CCDC178: variants seen among roughly 807,000 people sequenced by gnomAD.
The protein encoded by CCDC178 is coiled-coil domain containing 178.
CCDC178 carries 126 observed loss-of-function variants against 117.4 expected under a neutral mutation model. The ratio of observed to expected loss-of-function variants is 1.07; its 90% confidence interval spans 0.93 to 1.24. The LOEUF (loss-of-function observed/expected upper bound fraction) is 1.24. CCDC178 is among the 50% of genes most tolerant of loss of function. The pLI, the probability that CCDC178 is intolerant of heterozygous loss-of-function variation, is 0.00. For missense variants in CCDC178, 1,030 were observed against 986.9 expected (o/e 1.04, Z -0.59); for synonymous variants, 283 against 313.4 (o/e 0.90, Z 1.02).
intron 2 of CCDC178, among the ~76,000 whole-genome samples, chr18:33,419,063 A>G (rs1458380260): frequency 6.6e-6 from 1 of 152,194 alleles, no homozygotes; most frequent in Non-Finnish European, 1.5e-5. Flanking sequence ...CAGTAACCAA[A>G]ACAGCGCGGT....
intron 20 of CCDC178, among the ~76,000 whole-genome samples, chr18:33,165,120 G>A (rs2058513163): frequency 6.6e-6 from 1 of 152,102 alleles, no homozygotes; most frequent in Non-Finnish European, 1.5e-5. Context: ...TACACTTGTG[G>A]TTTGAATCTG....
intron 5 of CCDC178, among the ~76,000 whole-genome samples, chr18:33,371,784 TACACACACACAC>T (rs146013235): frequency 4.9e-5 from 7 of 144,308 alleles, no homozygotes; most frequent in East Asian, 4.2e-4. Flanking sequence ...TAAACATATA[TACACACACACAC>T]ACACACACAC....
At chr18:32,955,576 C>T (rs989282951) in intron 22 of CCDC178, among the ~76,000 whole-genome samples, 1 of 152,086 alleles carries the variant, frequency 6.6e-6, no homozygotes, top group Non-Finnish European at 1.5e-5. Context: ...TAAATGCCTA[C>T]ACAGATATTT....
chr18:33,440,689 G>C lies in CCDC178; in HGVS notation c.-179C>G, dbSNP rs1385810416. The C allele has an allele frequency of 2.0e-5, 3 of 152,460 alleles. No individual in the cohort carries two copies. Among genetic ancestry groups the C allele is most frequent in the African/African-American group, 7.3e-5 (3 of 41,058 alleles). 9.4% of individuals were successfully genotyped at this position (152,460 alleles called of 1,614,324 possible). A position where few individuals can be genotyped will look rare whatever the true frequency, so the allele number is the denominator to read the frequency against. On this transcript the variant is annotated 5_prime_UTR_variant, in exon 1 of 23. Coordinates refer to ENST00000383096, the MANE Select transcript of CCDC178 (RefSeq NM_001105528.4). ...GTTTCCCCGCGCGTCTCCCGGACCC[G>C]CGCCTGCCCACCCCTCCGGCTCTGC...
chr18:33,355,339 T>G (rs937484956), intron 7 of CCDC178, among the ~76,000 whole-genome samples: 9 of 152,222 alleles, frequency 5.9e-5, no homozygotes, highest in Admixed American at 1.3e-4. Context: ...TTTCCTTAGC[T>G]TACTGGTGAG....
At chr18:33,177,464 CTG>C (rs1282927541) in intron 20 of CCDC178, among the ~76,000 whole-genome samples, 2 of 152,212 alleles carry the variant, frequency 1.3e-5, no homozygotes, top group Non-Finnish European at 2.9e-5. Flanking sequence ...TGCCAGGACT[CTG>C]TGTGTTCCAA....
intron 14 of CCDC178, among the ~76,000 whole-genome samples, chr18:33,246,227 A>C (rs745895839): frequency 6.6e-6 from 1 of 151,838 alleles, no homozygotes; most frequent in Non-Finnish European, 1.5e-5. Context: ...ATAGATATTA[A>C]CTGGAGCGGT....
Position 33,147,356 on chromosome 18 carries a change from A to ATTTTTTTTTT in CCDC178, c.2239-54456_2239-54447dup, listed in dbSNP as rs575608507. 4.9e-4 allele frequency among the ~76,000 whole-genome samples: 46 copies of ATTTTTTTTTT among 94,608 alleles called. 1 individual carries two copies. Among genetic ancestry groups the ATTTTTTTTTT allele is most frequent in the African/African-American group, 1.2e-3 (25 of 21,318 alleles). 62.1% of individuals were successfully genotyped at this position (94,608 alleles called of 152,430 possible). ...CTACTCCTGCAAGCTTGCCTTTTTA[A>ATTTTTTTTTT]TTTTTTTTTTTTTTTTTTTTTTTTT... On this transcript the variant is annotated intron_variant, in intron 20 of 22. Coordinates refer to ENST00000383096, the MANE Select transcript of CCDC178 (RefSeq NM_001105528.4).
intron 21 of CCDC178, among the ~76,000 whole-genome samples, chr18:33,018,380 A>G (rs2056040903): frequency 1.3e-5 from 2 of 152,104 alleles, no homozygotes; most frequent in African/African-American, 4.8e-5. Context: ...TGTTAAACAT[A>G]TAGTTACTAT....
chr18:33,263,779 A>G (rs867266180), intron 14 of CCDC178, among the ~76,000 whole-genome samples: 2 of 152,166 alleles, frequency 1.3e-5, no homozygotes, highest in African/African-American at 4.8e-5. Context: ...AGTCTAGAGC[A>G]TATCCAAGGA....
chr18:33,141,012 C>T (rs1242288858), intron 20 of CCDC178, among the ~76,000 whole-genome samples: 1 of 152,096 alleles, frequency 6.6e-6, no homozygotes, highest in Non-Finnish European at 1.5e-5. Flanking sequence ...ATGGGAGTTT[C>T]CCTGAACAAG....
intron 11 of CCDC178, among the ~76,000 whole-genome samples, chr18:33,316,002 A>C (rs188167219): frequency 8.2e-4 from 125 of 152,344 alleles, no homozygotes; most frequent in East Asian, 3.9e-4. Context: ...TCCTCCTCTT[A>C]CTTTCAGAAA....
chr18:32,969,037 A>G (rs764323730), intron 22 of CCDC178, among the ~76,000 whole-genome samples: 8 of 152,048 alleles, frequency 5.3e-5, no homozygotes, highest in Admixed American at 2.0e-4. Flanking sequence ...TTTATTAAGT[A>G]ACAGAACTGT....
chr18:33,265,206 T>G (rs963738104), intron 14 of CCDC178, among the ~76,000 whole-genome samples: 2 of 152,136 alleles, frequency 1.3e-5, no homozygotes, highest in African/African-American at 4.8e-5. Flanking sequence ...TTTATCAAAC[T>G]TCCAATACAA....
At chr18:32,991,503 A>G (rs2144743154) in intron 21 of CCDC178, among the ~76,000 whole-genome samples, 1 of 152,338 alleles carries the variant, frequency 6.6e-6, no homozygotes, top group East Asian at 1.9e-4. Context: ...AAATGGTGGT[A>G]GTGTCAAGAT....
At chr18:32,998,500 A>G (rs1377425034) in intron 21 of CCDC178, among the ~76,000 whole-genome samples, 1 of 152,164 alleles carries the variant, frequency 6.6e-6, no homozygotes, top group Non-Finnish European at 1.5e-5. Context: ...CAGCTGGAGC[A>G]GTCAAGAGAG....
At chr18:32,974,477 T>C (rs1598745420) in intron 22 of CCDC178, 70 bp downstream of exon 22, 1 of 1,424,304 alleles carries the variant, frequency 7.0e-7, no homozygotes, top group East Asian at 2.3e-5. Context: ...TAATGCTTCA[T>C]CACACTACCC....
Position 33,211,994 on chromosome 18 carries a change from T to C in CCDC178, c.2140A>G (p.Met714Val). Residue 714 changes from methionine to valine, a missense_variant, in exon 20 of 23, where the codon ATG becomes GTG. Coordinates refer to ENST00000383096, the MANE Select transcript of CCDC178 (RefSeq NM_001105528.4). ...EHAQTVFDHY[M>V]QEKKDCEERI... ...TCTTCACAGTCTTTTTTCTCTTGCA[T>C]ATAATGATCAAACACAGTTTGTGCA... is the stretch of plus-strand genomic sequence containing the variant. 1 of 1,609,026 alleles carries C rather than the reference T, an allele frequency of 6.2e-7. No homozygotes were observed.
intron 15 of CCDC178, among the ~76,000 whole-genome samples, chr18:33,239,679 T>C: frequency 6.6e-6 from 1 of 151,942 alleles, no homozygotes. Context: ...CACTCACATA[T>C]ATACCTAATG....
Sources: allele counts gnomAD v4.1 joint callset (sites outside exome capture counted in the v4.1 genomes callset), GRCh38; gene constraint gnomAD v4.1.1; transcripts MANE v1.5; gene names NCBI Gene and HGNC (gene_info 2026-07-23, HGNC 2026-07-21).